The following CYP7B1 variants were observed in gnomAD, a reference collection of about 807,000 sequenced individuals.
CYP7B1 encodes cytochrome P450 7B1.
Under a neutral mutation model 42.7 loss-of-function variants are expected in CYP7B1, and 29 were observed. That is an observed-to-expected ratio of 0.68 (90% CI 0.51 to 0.93). The LOEUF (loss-of-function observed/expected upper bound fraction) is 0.93, where lower values mean the gene tolerates loss of function less well. Among genes scored for constraint, CYP7B1 ranks in the 40% least tolerant of loss-of-function variants. The pLI is 0.00. For synonymous variants in CYP7B1, 235 were observed against 218.2 expected, an observed-to-expected ratio of 1.08 and a Z score of -0.68; for missense variants, 655 against 600.5, an observed-to-expected ratio of 1.09 and a Z score of -0.95.
intron 1 of CYP7B1, among the ~76,000 whole-genome samples, chr8:64,797,066 T>C (rs1804715821): frequency 6.6e-6 from 1 of 152,180 alleles, no homozygotes; most frequent in African/African-American, 2.4e-5. Context: ...TATGAAGGAA[T>C]TGGCAGTTGA....
intron 1 of CYP7B1, chr8:64,728,246 AC>A (rs2129633011): frequency 6.6e-6 from 1 of 152,354 alleles, no homozygotes; most frequent in African/African-American, 2.4e-5. Flanking sequence ...CTAGGCACTT[AC>A]TAGACTGGTT....
intron 1 of CYP7B1, among the ~76,000 whole-genome samples, chr8:64,790,289 T>C (rs1563429404): frequency 6.6e-6 from 1 of 152,144 alleles, no homozygotes; most frequent in Non-Finnish European, 1.5e-5. Flanking sequence ...CTTATCATTA[T>C]CACTTGAGCA....
chr8:64,686,267 G>A (rs1449441851), intron 1 of CYP7B1, among the ~76,000 whole-genome samples: 1 of 49,936 alleles, frequency 2.0e-5, no homozygotes, highest in Non-Finnish European at 4.5e-5. Flanking sequence ...CGCCCCGTCC[G>A]GGAGGGAGGT....
At position 64,687,581 on chromosome 8, in the gene CYP7B1, A is replaced by C. The variant is rs146326478; in HGVS notation, c.123-63042T>G. ...TGTGTGAATTATATCTCAATTAAGAAAAATTTAAAATGCCCCAAACAAAGC... is the reference window on the plus strand; with the variant it reads ...TGTGTGAATTATATCTCAATTAAGACAAATTTAAAATGCCCCAAACAAAGC... On this transcript the variant is annotated intron_variant, in intron 1 of 5. Coordinates refer to ENST00000310193, the MANE Select transcript of CYP7B1 (RefSeq NM_004820.5). Among the ~76,000 whole-genome samples the C allele has an allele frequency of 4.4e-3, 664 of 152,350 alleles. 3 individuals are homozygous for C. Among genetic ancestry groups the C allele is most frequent in the Middle Eastern group, 0.01 (3 of 294 alleles).
At chr8:64,616,337 T>G in intron 2 of CYP7B1, 56 bp from the exon 3 acceptor site, 1 of 1,077,436 alleles carries the variant, frequency 9.3e-7, no homozygotes, top group Non-Finnish European at 1.3e-6. Context: ...AAAACAGAAA[T>G]AAACACCACA....
intron 1 of CYP7B1, among the ~76,000 whole-genome samples, chr8:64,662,279 G>A (rs1345263637): frequency 1.3e-5 from 2 of 152,140 alleles, no homozygotes; most frequent in African/African-American, 2.4e-5. Flanking sequence ...GCTGCGGTGT[G>A]CTTTATCACA....
chr8:64,761,887 T>G lies in CYP7B1; in HGVS notation c.122+36579A>C, dbSNP rs866931025. 1.6e-4 allele frequency among the ~76,000 whole-genome samples: 25 copies of G among 152,300 alleles called. No homozygotes were observed. In the Middle Eastern group the frequency reaches 0.01, roughly 62 times the overall value. On this transcript the variant is annotated intron_variant, in intron 1 of 5. Transcript: ENST00000310193. ...GTAGTCCCATATTCTTAACAAGACC[T>G]TGTGTGAACTGTGTACAGTACTGTC...
intron 1 of CYP7B1, among the ~76,000 whole-genome samples, chr8:64,762,192 G>A (rs1017542129): frequency 5.3e-5 from 8 of 152,048 alleles, no homozygotes; most frequent in African/African-American, 1.9e-4. Context: ...CATTATAGCT[G>A]TAATTTTATG....
intron 1 of CYP7B1, among the ~76,000 whole-genome samples, chr8:64,652,965 C>A (rs1806062681): frequency 6.6e-6 from 1 of 152,160 alleles, no homozygotes; most frequent in South Asian, 2.1e-4. Context: ...AACAAAGATA[C>A]AACATACCAA....
intron 1 of CYP7B1, among the ~76,000 whole-genome samples, chr8:64,672,090 T>C (rs1405782736): frequency 6.6e-6 from 1 of 152,134 alleles, no homozygotes; most frequent in Non-Finnish European, 1.5e-5. Context: ...ATAAAGTAAT[T>C]TACATAGTAT....
intron 5 of CYP7B1, among the ~76,000 whole-genome samples, chr8:64,603,778 T>C (rs1465078687): frequency 1.3e-5 from 2 of 152,234 alleles, no homozygotes; most frequent in Non-Finnish European, 2.9e-5. Context: ...TTTCTAATTG[T>C]ATTTGAATCT....
chr8:64,628,127 A>C (rs1805635957), intron 1 of CYP7B1, among the ~76,000 whole-genome samples: 1 of 152,192 alleles, frequency 6.6e-6, no homozygotes, highest in Admixed American at 6.5e-5. Flanking sequence ...ACTCCCTCAT[A>C]ATCTCAAACA....
intron 1 of CYP7B1, among the ~76,000 whole-genome samples, chr8:64,691,715 T>A (rs1806748102): frequency 6.6e-6 from 1 of 152,142 alleles, no homozygotes; most frequent in Non-Finnish European, 1.5e-5. Context: ...CAGTCATGGA[T>A]CATCTGAGCA....
chr8:64,750,029 G>A (rs1807704109), intron 1 of CYP7B1, among the ~76,000 whole-genome samples: 1 of 152,160 alleles, frequency 6.6e-6, no homozygotes, highest in Admixed American at 6.5e-5. Flanking sequence ...ATGAATAAAT[G>A]CATGCTAAAA....
At chr8:64,670,803 T>A (rs181653355) in intron 1 of CYP7B1, among the ~76,000 whole-genome samples, 1 of 152,258 alleles carries the variant, frequency 6.6e-6, no homozygotes, top group East Asian at 1.9e-4. Flanking sequence ...TGTAGATGCC[T>A]GACCCTCCTG....
intron 1 of CYP7B1, among the ~76,000 whole-genome samples, chr8:64,791,452 A>G (rs1177449283): frequency 6.6e-6 from 1 of 152,212 alleles, no homozygotes; most frequent in Admixed American, 6.5e-5. Context: ...GGTAATCACA[A>G]GAGTCCTTAT....
chr8:64,749,399 A>T (rs1239030555), intron 1 of CYP7B1, among the ~76,000 whole-genome samples: 3 of 152,168 alleles, frequency 2.0e-5, no homozygotes, highest in African/African-American at 7.2e-5. Context: ...TATTTTAGAA[A>T]GATCAGTCTG....
chr8:64,782,512 C>T (rs543553256), intron 1 of CYP7B1, among the ~76,000 whole-genome samples: 6 of 152,246 alleles, frequency 3.9e-5, no homozygotes, highest in South Asian at 2.1e-4. Flanking sequence ...AAAATAACTT[C>T]GATCTTTCTA....
intron 1 of CYP7B1, among the ~76,000 whole-genome samples, chr8:64,688,141 T>A (rs1325949638): frequency 6.6e-6 from 1 of 152,222 alleles, no homozygotes; most frequent in Non-Finnish European, 1.5e-5. Context: ...GCACTGCTGA[T>A]AATACAGATG....
Sources: allele counts gnomAD v4.1 joint callset (sites outside exome capture counted in the v4.1 genomes callset), GRCh38; gene constraint gnomAD v4.1.1; transcripts MANE v1.5; gene names NCBI Gene and HGNC (gene_info 2026-07-23, HGNC 2026-07-21).